Variants in CSMD1 observed in about 807,000 individuals in gnomAD.
The protein encoded by CSMD1 is CUB and Sushi multiple domains 1.
In CSMD1, 213 loss-of-function variants were observed where a neutral mutation model predicts 417.5. The observed-to-expected ratio is 0.51, with a 90% CI of 0.46 to 0.57. The LOEUF is 0.57. CSMD1 is among the 20% of genes least tolerant of loss of function. The pLI, the probability that CSMD1 is intolerant of heterozygous loss-of-function variation, is 0.00. For missense variants in CSMD1, 6,923 were observed against 4,529.7 expected (o/e 1.53, Z -15.17); for synonymous variants, 2,862 against 1,736.8 (o/e 1.65, Z -16.11).
chr8:2,950,287 G>A lies in CSMD1; in HGVS notation c.10258C>T (p.Gln3420Ter). 6.2e-7 allele frequency: 1 copy of A among 1,613,396 alleles called. No homozygotes were observed. The highest frequency in any genetic ancestry group is 8.5e-7 in the Non-Finnish European group (1 of 1,179,438). ...LLLKAFQIKG[Q>*]ADIFVSKFEN... is the part of the protein sequence containing the mutation. ...AACTTGCTTACAAAAATATCTGCCT[G>A]GCCTTTAATTTGAAAAGCTTTCAGG... Residue 3420 changes from glutamine (Q) to a stop codon, truncating the protein, a stop_gained, in exon 67 of 70, where the codon CAG (glutamine) becomes TAG (stop). Coordinates refer to ENST00000635120, the MANE Select transcript of CSMD1 (RefSeq NM_033225.6). LOFTEE classifies it high-confidence loss of function.
chr8:4,333,634 A>G (rs1799998221), intron 3 of CSMD1, among the ~76,000 whole-genome samples: 1 of 152,164 alleles, frequency 6.6e-6, no homozygotes, highest in African/African-American at 2.4e-5. Context: ...AGAGTGATCT[A>G]AATCTAGACA....
In CSMD1 at chr8:3,108,739, G is replaced by A. The variant is rs1816312032; in HGVS notation, c.6618C>T (p.Pro2206=). 5.6e-6 allele frequency: 9 copies of A among 1,611,926 alleles called. No homozygotes were observed. The highest frequency in any genetic ancestry group is 5.0e-5 in the Admixed American group (3 of 59,844). The change falls in exon 44 of 70, where the codon CCC becomes CCT. Residue 2206 remains proline (P), a synonymous_variant. Coordinates refer to ENST00000635120, the MANE Select transcript of CSMD1 (RefSeq NM_033225.6). ...CTCCCAGCTGGGGTGAGTTCTGATC[G>A]GGACCGTCCCTAGGAAAGACAGAAA... ...VNDYIAVWDG[P]DQNSPQLGVF... is the part of the protein sequence containing the mutation.
intron 26 of CSMD1, among the ~76,000 whole-genome samples, chr8:3,261,694 C>T (rs147845292): frequency 6.6e-6 from 1 of 152,158 alleles, no homozygotes; most frequent in East Asian, 1.9e-4. Flanking sequence ...ATTCATGCAA[C>T]AAGCCGGCCC....
intron 26 of CSMD1, among the ~76,000 whole-genome samples, chr8:3,255,929 A>C (rs1800617314): frequency 6.6e-6 from 1 of 152,194 alleles, no homozygotes; most frequent in Non-Finnish European, 1.5e-5. Context: ...TCAGTTGGAA[A>C]TGCAGAAATC....
rs565952226 is a variant in CSMD1, at chr8:4,636,255, T to C, written c.302+1087A>G. 2.5e-3 allele frequency among the ~76,000 whole-genome samples: 373 copies of C among 152,216 alleles called. 1 individual carries two copies. The highest frequency in any genetic ancestry group is 7.8e-3 in the African/African-American group (326 of 41,558). ...GGATATTCCTTCTTCCTTTGCCAAA[T>C]TGAAAACAAAAAGTAGATACAGACG... On this transcript the variant is annotated intron_variant, in intron 2 of 69. Coordinates refer to ENST00000635120, the MANE Select transcript of CSMD1 (RefSeq NM_033225.6).
chr8:3,938,492 G>T (rs1810654043), intron 5 of CSMD1, among the ~76,000 whole-genome samples: 2 of 152,128 alleles, frequency 1.3e-5, no homozygotes, highest in African/African-American at 4.8e-5. Flanking sequence ...CAGAGGATGG[G>T]GAGAAGGTTT....
chr8:3,334,180 C>T lies in CSMD1; in HGVS notation c.3631+9114G>A, dbSNP rs148342366. On this transcript the variant is annotated intron_variant, in intron 23 of 69. Coordinates refer to ENST00000635120, the MANE Select transcript of CSMD1 (RefSeq NM_033225.6). ...AATGACATCAACCTTTTCAAGGTAT[C>T]AGTCAATCCTATAAAGAAAGCATTA... 4.9e-4 allele frequency among the ~76,000 whole-genome samples: 75 copies of T among 152,276 alleles called. No homozygotes were observed. The East Asian group carries it at 0.013, about 26-fold the overall frequency.
intron 12 of CSMD1, among the ~76,000 whole-genome samples, chr8:3,465,453 C>T (rs1816742863): frequency 2.0e-5 from 3 of 152,106 alleles, no homozygotes; most frequent in African/African-American, 7.2e-5. Flanking sequence ...CAAGGTCCTC[C>T]TGGTCCACGT....
At chr8:4,411,789 C>T (rs765237625) in intron 3 of CSMD1, among the ~76,000 whole-genome samples, 1 of 152,160 alleles carries the variant, frequency 6.6e-6, no homozygotes, top group Non-Finnish European at 1.5e-5. Context: ...AAAATGGAAT[C>T]ACGTGGCATA....
chr8:3,025,609 T>C (rs537279481), intron 51 of CSMD1, among the ~76,000 whole-genome samples: 6 of 152,354 alleles, frequency 3.9e-5, no homozygotes, highest in Admixed American at 1.3e-4. Flanking sequence ...ATGACTACAC[T>C]ACCAACCATC....
Position 3,230,080 on chromosome 8 carries a change from A to G in CSMD1, c.4305T>C (p.Asn1435=), listed in dbSNP as rs1481509310. The change falls in exon 27 of 70, where the codon AAT becomes AAC. Residue 1435 remains asparagine, a synonymous_variant. Coordinates refer to ENST00000635120, the MANE Select transcript of CSMD1 (RefSeq NM_033225.6). ...GQAKITCVQL[N]NRFFWQPDPP... is the part of the protein sequence containing the mutation. ...GGTCTGGTTGCCAAAAGAACCGGTTATTCAGCTGCACACAGGTGATTTTGG... is the reference window on the plus strand; with the variant it reads ...GGTCTGGTTGCCAAAAGAACCGGTTGTTCAGCTGCACACAGGTGATTTTGG... 2.5e-6 allele frequency: 4 copies of G among 1,611,846 alleles called. No homozygotes were observed. The East Asian group carries it at 8.9e-5, about 36-fold the overall frequency.
chr8:3,729,982 CATA>C (rs1424279751), intron 6 of CSMD1, among the ~76,000 whole-genome samples: 1 of 104,704 alleles, frequency 9.6e-6, no homozygotes, highest in Non-Finnish European at 1.7e-5. Context: ...AGAACGGATA[CATA>C]ATAATGTTTC....
At chr8:4,197,268 T>G (rs759320270) in intron 3 of CSMD1, among the ~76,000 whole-genome samples, 2 of 152,240 alleles carry the variant, frequency 1.3e-5, no homozygotes, top group Admixed American at 6.5e-5. Context: ...GATTTTCAAA[T>G]TGAGAAGTAT....
chr8:3,539,161 C>T (rs555983736), intron 10 of CSMD1, among the ~76,000 whole-genome samples: 4 of 152,274 alleles, frequency 2.6e-5, no homozygotes, highest in South Asian at 4.1e-4. Flanking sequence ...CCAAGATGTT[C>T]TGGCCGCAGG....
chr8:4,895,933 T>C (rs1178458050), intron 1 of CSMD1, among the ~76,000 whole-genome samples: 3 of 152,100 alleles, frequency 2.0e-5, no homozygotes, highest in East Asian at 3.9e-4. Context: ...CCAATTATTT[T>C]TTTGACATCA....
At chr8:3,124,829 A>T (rs7842818) in intron 41 of CSMD1, among the ~76,000 whole-genome samples, 1 of 152,022 alleles carries the variant, frequency 6.6e-6, no homozygotes, top group Non-Finnish European at 1.5e-5. Flanking sequence ...TAATGATGAC[A>T]ATGATGATTC....
intron 1 of CSMD1, among the ~76,000 whole-genome samples, chr8:4,850,919 T>C (rs558576865): frequency 9.3e-5 from 13 of 139,114 alleles, no homozygotes; most frequent in African/African-American, 2.9e-4. Context: ...CCCCCACTTT[T>C]TGTGGTTATT....
chr8:3,105,320 G>A (rs1017642838), intron 46 of CSMD1, among the ~76,000 whole-genome samples: 14 of 152,116 alleles, frequency 9.2e-5, no homozygotes, highest in Non-Finnish European at 2.1e-4. Flanking sequence ...TCACCCTAAG[G>A]AATGACAATA....
At chr8:4,373,362 T>G (rs1464080117) in intron 3 of CSMD1, among the ~76,000 whole-genome samples, 2 of 152,242 alleles carry the variant, frequency 1.3e-5, no homozygotes, top group Non-Finnish European at 2.9e-5. Context: ...GTGTCACTGT[T>G]GGTTTATTAA....
Sources: allele counts gnomAD v4.1 joint callset (sites outside exome capture counted in the v4.1 genomes callset), GRCh38; gene constraint gnomAD v4.1.1; transcripts MANE v1.5; gene names NCBI Gene and HGNC (gene_info 2026-07-23, HGNC 2026-07-21).